ENTREP2: variants seen among roughly 807,000 people sequenced by gnomAD.
The protein encoded by ENTREP2 is protein ENTREP2.
At chr15:29,145,643 A>AAC in the ENTREP2 span, among the ~76,000 whole-genome samples, 10 of 151,242 alleles carry the variant, frequency 6.6e-5, no homozygotes, top group South Asian at 1.7e-3. Context: ...AAAAAAAAAA[A>AAC]AACAACCAAC....
chr15:29,491,369 C>T, the ENTREP2 span, among the ~76,000 whole-genome samples: 1 of 152,210 alleles, frequency 6.6e-6, no homozygotes, highest in Non-Finnish European at 1.5e-5. Context: ...CCAAAGCAGA[C>T]ATCGAGGCCC....
At chr15:29,533,482 A>G in the ENTREP2 span, among the ~76,000 whole-genome samples, 4 of 152,014 alleles carry the variant, frequency 2.6e-5, no homozygotes, top group Non-Finnish European at 5.9e-5. Context: ...ATACCTCTCT[A>G]TTTTTCCCCA....
chr15:29,463,623 T>C, the ENTREP2 span, among the ~76,000 whole-genome samples: 9 of 151,972 alleles, frequency 5.9e-5, no homozygotes, highest in Non-Finnish European at 1.2e-4. Flanking sequence ...CCCAACAAAA[T>C]ATGAGTCTGA....
At chr15:29,311,093 T>C in the ENTREP2 span, among the ~76,000 whole-genome samples, 2 of 152,152 alleles carry the variant, frequency 1.3e-5, no homozygotes, top group Admixed American at 6.5e-5. Flanking sequence ...TTTTTAACTC[T>C]AGAAACAAAT....
the ENTREP2 span, among the ~76,000 whole-genome samples, chr15:29,402,369 G>T: frequency 6.6e-6 from 1 of 151,630 alleles, no homozygotes; most frequent in South Asian, 2.1e-4. Flanking sequence ...AGGCTAGAAT[G>T]CAGTGGCATG....
the ENTREP2 span, among the ~76,000 whole-genome samples, chr15:29,241,859 C>G: frequency 1.7e-5 from 1 of 59,386 alleles, no homozygotes; most frequent in Non-Finnish European, 3.8e-5. Context: ...ACAGTGAGAC[C>G]CCCCCCCACC....
At chr15:29,499,023 T>C in the ENTREP2 span, among the ~76,000 whole-genome samples, 4 of 152,154 alleles carry the variant, frequency 2.6e-5, no homozygotes, top group African/African-American at 9.7e-5. Flanking sequence ...TCACATTCGG[T>C]TTATGTATGT....
chr15:29,470,575 C>G, the ENTREP2 span, among the ~76,000 whole-genome samples: 23 of 152,302 alleles, frequency 1.5e-4, no homozygotes, highest in African/African-American at 5.3e-4. Flanking sequence ...TCCAGGGAAG[C>G]CCAGACGCAC....
chr15:29,656,689 GACACCACCA>G, the ENTREP2 span, among the ~76,000 whole-genome samples: 5 of 152,140 alleles, frequency 3.3e-5, no homozygotes, highest in Admixed American at 3.3e-4. Context: ...CTAAAAACCT[GACACCACCA>G]AATGCTCGCA....
the ENTREP2 span, among the ~76,000 whole-genome samples, chr15:29,438,705 G>A: frequency 2.0e-5 from 3 of 152,038 alleles, no homozygotes. Context: ...TTTGCTGAAG[G>A]CTGTCTCTCC....
the ENTREP2 span, among the ~76,000 whole-genome samples, chr15:29,119,329 C>G: frequency 1.9e-4 from 2 of 10,384 alleles, 1 homozygote; most frequent in African/African-American, 2.4e-4. Flanking sequence ...AACCATCATT[C>G]TCAGTAAACT....
chr15:29,242,043 CTG>C, the ENTREP2 span, among the ~76,000 whole-genome samples: 2 of 152,130 alleles, frequency 1.3e-5, no homozygotes, highest in Non-Finnish European at 2.9e-5. Flanking sequence ...ACCCTGGACC[CTG>C]TCTCTAAAAA....
the ENTREP2 span, among the ~76,000 whole-genome samples, chr15:29,380,582 A>C: frequency 6.6e-6 from 1 of 152,320 alleles, no homozygotes; most frequent in Non-Finnish European, 1.5e-5. Context: ...ACAAATCAAT[A>C]GACACAAATC....
At chr15:29,634,102 G>A in the ENTREP2 span, among the ~76,000 whole-genome samples, 1 of 152,124 alleles carries the variant, frequency 6.6e-6, no homozygotes, top group Non-Finnish European at 1.5e-5. Context: ...GTGGTGGCTG[G>A]GGATGCCCTG....
chr15:29,529,849 C>T, the ENTREP2 span, among the ~76,000 whole-genome samples: 1 of 152,150 alleles, frequency 6.6e-6, no homozygotes, highest in Non-Finnish European at 1.5e-5. Context: ...TAAAACATCA[C>T]AGGTTTATGG....
At chr15:29,222,736 G>A in the ENTREP2 span, among the ~76,000 whole-genome samples, 1 of 152,110 alleles carries the variant, frequency 6.6e-6, no homozygotes, top group African/African-American at 2.4e-5. Flanking sequence ...GCTTCCGAGG[G>A]GGCCCTGCAG....
the ENTREP2 span, among the ~76,000 whole-genome samples, chr15:29,127,091 C>T: frequency 1.3e-5 from 2 of 152,170 alleles, no homozygotes; most frequent in African/African-American, 4.8e-5. Context: ...GCCCAGCCAC[C>T]GGGGTTGAAG....
At chr15:29,213,594 C>T in the ENTREP2 span, among the ~76,000 whole-genome samples, 4 of 152,062 alleles carry the variant, frequency 2.6e-5, no homozygotes, top group African/African-American at 7.2e-5. Context: ...CTCTGCTTGT[C>T]TGTTATTGGT....
the ENTREP2 span, among the ~76,000 whole-genome samples, chr15:29,301,744 T>G: frequency 3.9e-5 from 6 of 152,068 alleles, 1 homozygote; most frequent in Non-Finnish European, 7.4e-5. Flanking sequence ...AGAGGTGAGG[T>G]CTTTGGAAAG....
Sources: gnomAD v4.1 joint callset for allele counts (sites outside exome capture counted in the v4.1 genomes callset) on GRCh38, gnomAD v4.1.1 for gene constraint, MANE v1.5 for transcripts, NCBI Gene and HGNC (gene_info 2026-07-23, HGNC 2026-07-21) for gene names.